CAST: variants seen among roughly 807,000 people sequenced by gnomAD.
CAST encodes MIR583 host.
In CAST, 76 loss-of-function variants were observed where a neutral mutation model predicts 119.6. The ratio of observed to expected loss-of-function variants is 0.64; its 90% confidence interval spans 0.53 to 0.77. The LOEUF (loss-of-function observed/expected upper bound fraction) is 0.77, where lower values mean the gene tolerates loss of function less well. CAST is among the 30% of genes least tolerant of loss of function. CAST has a pLI of 0.00. For missense variants in CAST, 953 were observed against 946.5 expected, an observed-to-expected ratio of 1.01 and a Z score of -0.09; for synonymous variants, 319 against 331.6, an observed-to-expected ratio of 0.96 and a Z score of 0.41.
chr5:96,057,523 T>C, the CAST span, among the ~76,000 whole-genome samples: 1 of 152,216 alleles, frequency 6.6e-6, no homozygotes, highest in Non-Finnish European at 1.5e-5. Flanking sequence ...TCATAAGGCA[T>C]TATTTTCAGA....
chr5:96,676,969 G>A (rs1015046452), intron 2 of CAST, among the ~76,000 whole-genome samples: 2 of 151,264 alleles, frequency 1.3e-5, no homozygotes, highest in Non-Finnish European at 2.9e-5. Flanking sequence ...CAGGAGAATC[G>A]CGTGAACCTG....
At chr5:96,588,390 T>C (rs1414038532) in intron 1 of CAST, among the ~76,000 whole-genome samples, 1 of 151,814 alleles carries the variant, frequency 6.6e-6, no homozygotes, top group Non-Finnish European at 1.5e-5. Context: ...TTAGTAGAGA[T>C]GGGGCTTCAC....
chr5:96,534,739 G>GAGAAAGAA (rs1207971503), intron 1 of CAST, among the ~76,000 whole-genome samples: 53 of 22,688 alleles, frequency 2.3e-3, no homozygotes, highest in African/African-American at 3.7e-3. Flanking sequence ...GAGAGAGAGA[G>GAGAAAGAA]AGAAAGAAAG....
At chr5:96,264,053 G>T in the CAST span, among the ~76,000 whole-genome samples, 1,074 of 152,200 alleles carry the variant, frequency 7.1e-3, 11 homozygotes, top group African/African-American at 0.025. Context: ...CCATATCATG[G>T]GCCACTTGCT....
At chr5:96,061,986 C>T in the CAST span, among the ~76,000 whole-genome samples, 1 of 152,046 alleles carries the variant, frequency 6.6e-6, no homozygotes, top group Non-Finnish European at 1.5e-5. Flanking sequence ...TTATATGGCG[C>T]CATCCCTCAA....
At chr5:96,377,493 T>C in the CAST span, among the ~76,000 whole-genome samples, 2 of 152,172 alleles carry the variant, frequency 1.3e-5, no homozygotes, top group Admixed American at 6.5e-5. Context: ...GATATAAAAA[T>C]ATTTACCATT....
At chr5:96,553,957 A>G in intron 1 of CAST, among the ~76,000 whole-genome samples, 1 of 152,242 alleles carries the variant, frequency 6.6e-6, no homozygotes, top group East Asian at 1.9e-4. Context: ...AAGAATCAGT[A>G]TTGTAAAAAT....
chr5:96,134,441 G>A, the CAST span, among the ~76,000 whole-genome samples: 1 of 152,200 alleles, frequency 6.6e-6, no homozygotes, highest in African/African-American at 2.4e-5. Flanking sequence ...AATACATCAA[G>A]AATCTCAGCT....
Position 96,729,725 on chromosome 5 carries a change from G to C in CAST, c.549G>C (p.Lys183Asn), listed in dbSNP as rs773572794. ...CATCAGAGAAATCAACAGAACCAAA[G>C]GTAAATGAAGCAGATTGATAGGAAA... Reference protein sequence around the residue: ...QQPSEKSTEPKTKPQDMISAG... With the variant: ...QQPSEKSTEPNTKPQDMISAG... The change falls in exon 8 of 32, where the codon AAG becomes AAC. Residue 183 changes from lysine to asparagine, a missense_variant and splice_region_variant. Coordinates refer to ENST00000675179, the MANE Select transcript of CAST (RefSeq NM_001750.7). The C allele has an allele frequency of 1.5e-6, 2 of 1,334,608 alleles. No individual in the cohort carries two copies. The highest frequency in any genetic ancestry group is 2.2e-6 in the Non-Finnish European group (2 of 925,256). The allele number at this position is 1,334,608 out of a possible 1,614,324, so 82.7% of individuals were successfully genotyped here.
intron 4 of CAST, among the ~76,000 whole-genome samples, chr5:96,726,508 A>C (rs1482797087): frequency 6.6e-6 from 1 of 152,236 alleles, no homozygotes; most frequent in Non-Finnish European, 1.5e-5. Flanking sequence ...AATGATATTC[A>C]TGTAGTCTTT....
In CAST at chr5:96,740,794, A is replaced by G. The variant is rs764374381; in HGVS notation, c.918+11A>G. ...CCTGCAGACTCTTCGGTGAGTTTAC[A>G]TACATGTCTTCTGATCTAAATTAAT... On this transcript the variant is annotated intron_variant, in intron 13 of 31. Transcript: ENST00000675179. 11 of 1,544,926 alleles carry G rather than the reference A, an allele frequency of 7.1e-6. No homozygotes were observed. The highest frequency in any genetic ancestry group is 6.8e-5 in the African/African-American group (5 of 73,834).
chr5:96,018,841 T>C, the CAST span, among the ~76,000 whole-genome samples: 1 of 152,198 alleles, frequency 6.6e-6, no homozygotes, highest in Non-Finnish European at 1.5e-5. Context: ...TTCACTGTAG[T>C]TGAGAAAGTT....
At chr5:96,185,861 AT>A in the CAST span, among the ~76,000 whole-genome samples, 294 of 147,852 alleles carry the variant, frequency 2.0e-3, no homozygotes, top group African/African-American at 4.2e-3. Flanking sequence ...TGAATTTTAA[AT>A]TTTTTTTTTT....
intron 2 of CAST, chr5:96,679,199 T>G (rs557589490): frequency 6.6e-6 from 1 of 152,260 alleles, no homozygotes; most frequent in South Asian, 2.1e-4. Flanking sequence ...CTAATACATT[T>G]GTCATGCTGC....
intron 1 of CAST, among the ~76,000 whole-genome samples, chr5:96,536,031 GTTTTT>G (rs533558053): frequency 0.35 from 35,952 of 103,830 alleles, 5,902 homozygotes; most frequent in Middle Eastern, 0.51. Flanking sequence ...AATATTTAAG[GTTTTT>G]TTTTTTTTTT....
chr5:96,711,280 A>C (rs1247385922), intron 3 of CAST, among the ~76,000 whole-genome samples: 1 of 152,208 alleles, frequency 6.6e-6, no homozygotes, highest in African/African-American at 2.4e-5. Flanking sequence ...TTTGGGTACC[A>C]TTCAACTTGG....
the CAST span, among the ~76,000 whole-genome samples, chr5:95,980,151 A>T: frequency 6.6e-6 from 1 of 152,120 alleles, no homozygotes; most frequent in Non-Finnish European, 1.5e-5. Flanking sequence ...ACAGCAAAAA[A>T]ATAAAAATAA....
chr5:96,253,892 A>T, the CAST span, among the ~76,000 whole-genome samples: 1 of 151,980 alleles, frequency 6.6e-6, no homozygotes, highest in African/African-American at 2.4e-5. Flanking sequence ...TTTGGTACAT[A>T]CCTTATCAAA....
At chr5:96,467,267 CTA>C in the CAST span, among the ~76,000 whole-genome samples, 2,895 of 152,036 alleles carry the variant, frequency 0.019, 29 homozygotes, top group Non-Finnish European at 0.03. Flanking sequence ...AAAATATACT[CTA>C]TTAGTATATA....
Sources: gnomAD v4.1 joint callset for allele counts (sites outside exome capture counted in the v4.1 genomes callset) on GRCh38, gnomAD v4.1.1 for gene constraint, MANE v1.5 for transcripts, NCBI Gene and HGNC (gene_info 2026-07-23, HGNC 2026-07-21) for gene names.